ZNF423: variants seen among roughly 807,000 people sequenced by gnomAD.
The protein encoded by ZNF423 is zinc finger protein 423, also known as Ebf-associated zinc finger protein.
A neutral mutation model predicts 95.8 loss-of-function variants in ZNF423; 12 were observed. The observed-to-expected ratio is 0.13, with a 90% CI of 0.08 to 0.20. ZNF423 has a LOEUF of 0.20. Among genes scored for constraint, ZNF423 ranks in the 10% least tolerant of loss-of-function variants. The probability of loss-of-function intolerance (pLI) is 1.00; values close to 1 mark genes in which losing one functional copy is unlikely to be tolerated. For synonymous variants in ZNF423, 749 were observed against 711.9 expected, an observed-to-expected ratio of 1.05 and a Z score of -0.83; for missense variants, 1,316 against 1,737.1, an observed-to-expected ratio of 0.76 and a Z score of 4.31.
At chr16:49,747,007 G>T (rs1001174714) in intron 2 of ZNF423, among the ~76,000 whole-genome samples, 1 of 152,174 alleles carries the variant, frequency 6.6e-6, no homozygotes, top group Non-Finnish European at 1.5e-5. Flanking sequence ...GGGAAAGAAG[G>T]TACTTAAAGT....
chr16:49,557,238 C>T (rs1259276197), intron 5 of ZNF423, among the ~76,000 whole-genome samples: 1 of 152,236 alleles, frequency 6.6e-6, no homozygotes, highest in Non-Finnish European at 1.5e-5. Context: ...GCGAGCAGCT[C>T]CCCAGGGTGA....
chr16:49,662,056 T>C (rs988838592), intron 3 of ZNF423, among the ~76,000 whole-genome samples: 1 of 152,188 alleles, frequency 6.6e-6, no homozygotes, highest in African/African-American at 2.4e-5. Context: ...CAGAGACCGC[T>C]GGGCAGAGCC....
intron 3 of ZNF423, among the ~76,000 whole-genome samples, chr16:49,672,032 C>T (rs559592954): frequency 2.1e-4 from 32 of 152,290 alleles, no homozygotes; most frequent in African/African-American, 6.7e-4. Flanking sequence ...AAACCCAAAC[C>T]GTCAGATGTG....
intron 7 of ZNF423, among the ~76,000 whole-genome samples, chr16:49,519,018 C>T (rs1968276623): frequency 6.6e-6 from 1 of 152,196 alleles, no homozygotes; most frequent in Admixed American, 6.5e-5. Context: ...AAGCCATGAT[C>T]ACACTCCTGC....
intron 3 of ZNF423, among the ~76,000 whole-genome samples, chr16:49,677,317 G>GAAGAGAAGAGAAGA (rs1567284195): frequency 3.6e-5 from 1 of 28,094 alleles, no homozygotes; most frequent in African/African-American, 1.2e-4. Context: ...AGAAAGGAGG[G>GAAGAGAAGAGAAGA]GAAGGGAGGG....
At chr16:49,730,544 C>T (rs2033138084) in intron 3 of ZNF423, 5 of 579,022 alleles carry the variant, frequency 8.6e-6, no homozygotes, top group Non-Finnish European at 1.5e-5. Context: ...GGAGAGGGGG[C>T]CGGGACAGAG....
intron 1 of ZNF423, among the ~76,000 whole-genome samples, chr16:49,801,387 G>A (rs2034580999): frequency 6.6e-6 from 1 of 152,206 alleles, no homozygotes; most frequent in Non-Finnish European, 1.5e-5. Context: ...TCCCAAATAA[G>A]AGAAATAGCT....
chr16:49,857,283 C>T (rs2035381327), upstream of ZNF423, among the ~76,000 whole-genome samples: 1 of 146,024 alleles, frequency 6.8e-6, no homozygotes. This position sits in a 1 kb window ranked among gnomAD's most constrained non-coding sequence, Gnocchi z 6.2. Context: ...CAGCTCCGGC[C>T]GCCCGCAAAA....
chr16:49,666,122 C>A (rs989185510), intron 3 of ZNF423, among the ~76,000 whole-genome samples: 2 of 151,904 alleles, frequency 1.3e-5, no homozygotes, highest in Non-Finnish European at 2.9e-5. Context: ...GGAATGCGGC[C>A]CCCCAGATCC....
intron 2 of ZNF423, among the ~76,000 whole-genome samples, chr16:49,748,627 T>A (rs2033571805): frequency 6.6e-6 from 1 of 152,242 alleles, no homozygotes; most frequent in South Asian, 2.1e-4. Flanking sequence ...TGACATCACC[T>A]GATCACTTAC....
At chr16:49,589,452 C>T (rs917823801) in intron 5 of ZNF423, among the ~76,000 whole-genome samples, 6 of 152,174 alleles carry the variant, frequency 3.9e-5, no homozygotes, top group African/African-American at 1.4e-4. Flanking sequence ...TAGTGTCTAG[C>T]TGTGTGCATT....
At chr16:49,820,995 C>A (rs763875502) in intron 1 of ZNF423, among the ~76,000 whole-genome samples, 1 of 152,210 alleles carries the variant, frequency 6.6e-6, no homozygotes, top group East Asian at 1.9e-4. Context: ...AACTGCTCCA[C>A]GCATTTTCCC....
At chr16:49,834,535 C>T (rs1174103702) in intron 1 of ZNF423, among the ~76,000 whole-genome samples, 4 of 151,636 alleles carry the variant, frequency 2.6e-5, no homozygotes, top group African/African-American at 7.3e-5. Context: ...CCCTGCCCTG[C>T]GTCCCCTCTG....
At chr16:49,571,213 T>G (rs1970344976) in intron 5 of ZNF423, among the ~76,000 whole-genome samples, 1 of 152,206 alleles carries the variant, frequency 6.6e-6, no homozygotes, top group Non-Finnish European at 1.5e-5. Flanking sequence ...ATCTTTTTTT[T>G]TAATCCATTT....
At chr16:49,700,867 C>A (rs2032156219) in intron 3 of ZNF423, among the ~76,000 whole-genome samples, 1 of 151,772 alleles carries the variant, frequency 6.6e-6, no homozygotes, top group Non-Finnish European at 1.5e-5. Context: ...CCTGTGTGAT[C>A]CAGTCACTCT....
chr16:49,621,500 A>G (rs933416028), intron 5 of ZNF423, among the ~76,000 whole-genome samples: 9 of 152,148 alleles, frequency 5.9e-5, no homozygotes, highest in Admixed American at 5.9e-4. Flanking sequence ...CGCTATAAAA[A>G]GGCCGGTTTA....
chr16:49,624,552 C>CA (rs911789011), intron 5 of ZNF423, among the ~76,000 whole-genome samples: 2 of 150,926 alleles, frequency 1.3e-5, no homozygotes, highest in Admixed American at 6.6e-5. Flanking sequence ...GACTCTGTCT[C>CA]AAAAAAAACC....
At chr16:49,851,699 G>A (rs367605997) in intron 1 of ZNF423, among the ~76,000 whole-genome samples, 4 of 152,198 alleles carry the variant, frequency 2.6e-5, no homozygotes, top group African/African-American at 4.8e-5. Flanking sequence ...ATGAATGCAC[G>A]CTAGGCACCT....
chr16:49,854,587 T>C, intron 1 of ZNF423: 7 of 985,376 alleles, frequency 7.1e-6, no homozygotes, highest in Non-Finnish European at 8.4e-6. Flanking sequence ...GCTCTCATCG[T>C]TCCCCCCTTC....
Sources: allele counts gnomAD v4.1 joint callset (sites outside exome capture counted in the v4.1 genomes callset), GRCh38; gene constraint gnomAD v4.1.1; non-coding constraint Gnocchi (gnomAD v3.1); transcripts MANE v1.5; gene names NCBI Gene and HGNC (gene_info 2026-07-23, HGNC 2026-07-21).